Variants in LDAF1 observed in about 807,000 individuals in gnomAD.
LDAF1 encodes lipid droplet assembly factor 1.
A neutral mutation model predicts 13.5 loss-of-function variants in LDAF1; 7 were observed. That is an observed-to-expected ratio of 0.52 (90% CI 0.29 to 0.97). The LOEUF is 0.97. Among genes scored for constraint, LDAF1 ranks in the 50% least tolerant of loss-of-function variants. LDAF1 has a pLI of 0.07. For synonymous variants in LDAF1, 69 were observed against 77.1 expected, an observed-to-expected ratio of 0.89 and a Z score of 0.55; for missense variants, 148 against 193.2, an observed-to-expected ratio of 0.77 and a Z score of 1.39.
At chr16:21,176,945 A>T (rs904818615) in intron 4 of LDAF1, among the ~76,000 whole-genome samples, 1 of 151,708 alleles carries the variant, frequency 6.6e-6, no homozygotes, top group Non-Finnish European at 1.5e-5. Flanking sequence ...TTTTTAAAAA[A>T]TTTTCTTCCT....
intron 1 of LDAF1, among the ~76,000 whole-genome samples, chr16:21,159,671 G>C (rs1449390518): frequency 1.3e-5 from 2 of 152,244 alleles, no homozygotes; most frequent in Admixed American, 6.5e-5. Flanking sequence ...CGTGCCTGGG[G>C]AGGCCCCTCC....
intron 2 of LDAF1, chr16:21,166,760 G>A: frequency 4.1e-6 from 5 of 1,205,910 alleles, no homozygotes; most frequent in Non-Finnish European, 4.7e-6. Context: ...AAAGAAGTCA[G>A]GACCTGAGAC....
At chr16:21,174,750 C>A (rs2093124057) in intron 4 of LDAF1, among the ~76,000 whole-genome samples, 1 of 152,112 alleles carries the variant, frequency 6.6e-6, no homozygotes, top group Admixed American at 6.5e-5. Context: ...ATTTAATTTA[C>A]AAATGTCAAA....
At chr16:21,166,152 G>A (rs995366838) in intron 2 of LDAF1, among the ~76,000 whole-genome samples, 7 of 152,020 alleles carry the variant, frequency 4.6e-5, no homozygotes, top group Non-Finnish European at 1.0e-4. Flanking sequence ...GTGAGCCACC[G>A]TGCCCAGCCA....
intron 4 of LDAF1, chr16:21,179,063 T>G: frequency 5.3e-6 from 1 of 188,242 alleles, no homozygotes; most frequent in South Asian, 9.2e-5. Flanking sequence ...CTAATTGAAA[T>G]CAGAAGATAT....
chr16:21,179,001 C>T (rs898177693), intron 4 of LDAF1: 9 of 162,212 alleles, frequency 5.5e-5, no homozygotes, highest in South Asian at 3.2e-4. Context: ...AACATAAGAA[C>T]GGACTAATAC....
In LDAF1 at chr16:21,180,339, T is replaced by G. The variant is rs533155277; in HGVS notation, c.*783T>G. ...CCTCCAACTCCCAGGTTCAAGTGAGTCTCGTGCCTCAGCCTCCCAAGTAGC... is the reference window on the plus strand; with the variant it reads ...CCTCCAACTCCCAGGTTCAAGTGAGGCTCGTGCCTCAGCCTCCCAAGTAGC... On this transcript the variant is annotated 3_prime_UTR_variant, in exon 5 of 5. Transcript: ENST00000233047. 6.7e-6 allele frequency: 1 copy of G among 148,500 alleles called. No individual in the cohort carries two copies. Among genetic ancestry groups the G allele is most frequent in the African/African-American group, 2.5e-5 (1 of 40,228 alleles). 9.2% of individuals were successfully genotyped at this position (148,500 alleles called of 1,614,324 possible). A position where few individuals can be genotyped will look rare whatever the true frequency, so the allele number is the denominator to read the frequency against.
At position 21,159,490 on chromosome 16, in the gene LDAF1, A is replaced by G. The variant is rs754541917; in HGVS notation, c.-99+744A>G. 8 of 1,575,034 alleles carry G rather than the reference A, an allele frequency of 5.1e-6. No individual in the cohort carries two copies. The African/African-American group carries it at 1.1e-4, about 21-fold the overall frequency. On this transcript the variant is annotated intron_variant, in intron 1 of 4. Coordinates refer to ENST00000233047, the MANE Select transcript of LDAF1 (RefSeq NM_001301771.2). ...TCCTCCCAGCTTGAACTTTCGAGGT[A>G]GCCGTTTTCCCCTGGAGGTTCGGGG...
chr16:21,163,953 C>A (rs72780901), intron 2 of LDAF1, among the ~76,000 whole-genome samples: 28,254 of 152,142 alleles, frequency 0.19, 2,754 homozygotes, highest in South Asian at 0.26. Flanking sequence ...CCACCCACTT[C>A]GGCCTCCCAA....
rs372605849 is a variant in LDAF1 at position 21,174,085 on chromosome 16, C to T, written c.341C>T (p.Ser114Leu). ...CGLGFVSLAM[S>L]GMMIASYVVV... is the part of the protein sequence containing the mutation. Reference sequence around the variant, plus strand: ...TTGGGCTTCGTATCACTCGCCATGTCGGGGATGATGATAGCATCTTATGTA... The same window carrying T: ...TTGGGCTTCGTATCACTCGCCATGTTGGGGATGATGATAGCATCTTATGTA... Residue 114 changes from serine to leucine, a missense_variant, in exon 4 of 5, where the codon TCG (serine) becomes TTG (leucine). Coordinates refer to ENST00000233047, the MANE Select transcript of LDAF1 (RefSeq NM_001301771.2). 8 of 1,614,052 alleles carry T rather than the reference C, an allele frequency of 5.0e-6. No homozygotes were observed. The highest frequency in any genetic ancestry group is 1.7e-5 in the Admixed American group (1 of 60,008).
chr16:21,175,465 G>A (rs1597565015), intron 4 of LDAF1, among the ~76,000 whole-genome samples: 1 of 152,180 alleles, frequency 6.6e-6, no homozygotes, highest in African/African-American at 2.4e-5. Context: ...GGCCAGACAG[G>A]AAGTATTTAG....
chr16:21,178,158 C>T, intron 4 of LDAF1: 1 of 953,106 alleles, frequency 1.0e-6, no homozygotes, highest in Non-Finnish European at 1.2e-6. Flanking sequence ...AATACACTGA[C>T]CTGCCTCCTA....
At chr16:21,178,222 T>C (rs1390120785) in intron 4 of LDAF1, 2 of 985,276 alleles carry the variant, frequency 2.0e-6, no homozygotes, top group African/African-American at 1.7e-5. Context: ...TTATGGAGAC[T>C]GCAAGACCTT....
At position 21,170,349 on chromosome 16, in the gene LDAF1, C is replaced by T. The variant is rs2093074741; in HGVS notation, c.97-88C>T. 6 of 1,580,444 alleles carry T rather than the reference C, an allele frequency of 3.8e-6. No homozygotes were observed. The African/African-American group carries it at 8.1e-5, about 21-fold the overall frequency. ...AAGCCTTCTGGCTTTACGACTTCTG[C>T]CTTGTAATTCCCACAGCTTGGGCAG... is the stretch of plus-strand genomic sequence containing the variant. On this transcript the variant is annotated intron_variant, in intron 2 of 4. Coordinates refer to ENST00000233047, the MANE Select transcript of LDAF1 (RefSeq NM_001301771.2).
chr16:21,161,318 A>G lies in LDAF1; in HGVS notation c.96+40A>G, dbSNP rs190900652. Reference sequence around the variant, plus strand: ...ACTATGTATAATGGAAAATCCCAATATAACACTAGCATAAACAAGATAGAA... The same window carrying G: ...ACTATGTATAATGGAAAATCCCAATGTAACACTAGCATAAACAAGATAGAA... On this transcript the variant is annotated intron_variant, in intron 2 of 4. Transcript: ENST00000233047. The G allele has an allele frequency of 2.5e-6, 4 of 1,602,620 alleles. No homozygotes were observed. In the Admixed American group the frequency reaches 5.2e-5, roughly 21 times the overall value.
At chr16:21,162,017 TGTG>T (rs1163454831) in intron 2 of LDAF1, among the ~76,000 whole-genome samples, 1 of 151,752 alleles carries the variant, frequency 6.6e-6, no homozygotes. Context: ...AATGAGCAGG[TGTG>T]GTGGTAAGGC....
Position 21,180,454 on chromosome 16 carries a change from A to C in LDAF1, c.*898A>C, listed in dbSNP as rs2093172511. ...GGGGTTTCACCATGTTGGTCAGGCT[A>C]GTCTCAAACTCCTGACCTCAGGTGC... is the stretch of plus-strand genomic sequence containing the variant. On this transcript the variant is annotated 3_prime_UTR_variant, in exon 5 of 5. Transcript: ENST00000233047. The C allele has an allele frequency of 6.6e-6, 1 of 151,786 alleles. No individual in the cohort carries two copies. Among genetic ancestry groups the C allele is most frequent in the African/African-American group, 2.4e-5 (1 of 41,316 alleles). 9.4% of individuals were successfully genotyped at this position (151,786 alleles called of 1,614,324 possible). A position where few individuals can be genotyped will look rare whatever the true frequency, so the allele number is the denominator to read the frequency against.
chr16:21,170,648 T>A, intron 3 of LDAF1, 43 bp downstream of exon 3: 1 of 1,609,534 alleles, frequency 6.2e-7, no homozygotes, highest in Non-Finnish European at 8.5e-7. Context: ...ATAATTCAAT[T>A]GGGAGAAAAA....
At position 21,179,644 on chromosome 16, in the gene LDAF1, T is replaced by C. The variant is rs2093166628; in HGVS notation, c.*88T>C. 8.2e-7 allele frequency: 1 copy of C among 1,217,354 alleles called. No homozygotes were observed. Among genetic ancestry groups the C allele is most frequent in the East Asian group, 2.4e-5 (1 of 42,048 alleles). The allele number at this position is 1,217,354 out of a possible 1,614,324, so 75.4% of individuals were successfully genotyped here. On this transcript the variant is annotated 3_prime_UTR_variant, in exon 5 of 5. Coordinates refer to ENST00000233047, the MANE Select transcript of LDAF1 (RefSeq NM_001301771.2). ...TATGGCTTAGAAGAAGGGGGCTGGG[T>C]AGGCAAGCACTCCTTGGCTGTGTCC...
Sources: allele counts gnomAD v4.1 joint callset (sites outside exome capture counted in the v4.1 genomes callset), GRCh38; gene constraint gnomAD v4.1.1; transcripts MANE v1.5; gene names NCBI Gene and HGNC (gene_info 2026-07-23, HGNC 2026-07-21).